Variants in PRSS55 observed in about 807,000 individuals in gnomAD.
The protein encoded by PRSS55 is serine protease 55.
PRSS55 carries 41 observed loss-of-function variants against 23.6 expected under a neutral mutation model. That is an observed-to-expected ratio of 1.74 (90% CI 1.35 to 2.26). The LOEUF (loss-of-function observed/expected upper bound fraction) is 2.26, where lower values mean the gene tolerates loss of function less well. Among genes scored for constraint, PRSS55 ranks in the 30% most tolerant of loss-of-function variants. The probability of loss-of-function intolerance (pLI) is 0.00; values close to 1 mark genes in which losing one functional copy is unlikely to be tolerated. For missense variants in PRSS55, 669 were observed against 439.1 expected (o/e 1.52, Z -4.68); for synonymous variants, 262 against 175.5 (o/e 1.49, Z -3.90).
rs1478751268 is a variant in PRSS55, at chr8:10,546,075, G to T, written c.742-7868G>T. On this transcript the variant is annotated intron_variant, in intron 4 of 4. Coordinates refer to the PRSS55 transcript ENST00000522210. ...CCCATCTGAGGTCCAAGGAGCAAAG[G>T]CAGGGCTCGGTGTCACTTATGCCCA... is the stretch of plus-strand genomic sequence containing the variant. Among the ~76,000 whole-genome samples the T allele has an allele frequency of 4.6e-5, 7 of 152,148 alleles. 1 individual carries two copies. Among genetic ancestry groups the T allele is most frequent in the Non-Finnish European group, 1.0e-4 (7 of 68,016 alleles).
intron 4 of PRSS55, among the ~76,000 whole-genome samples, chr8:10,551,070 G>A (rs1434827648): frequency 6.6e-6 from 1 of 152,208 alleles, no homozygotes; most frequent in Non-Finnish European, 1.5e-5. Context: ...ATACTCAGAA[G>A]GTCCTGCAAG....
At chr8:10,539,898 T>C (rs144692302), downstream of PRSS55, among the ~76,000 whole-genome samples, 2,014 of 152,352 alleles carry the variant, frequency 0.013, 16 homozygotes, top group Middle Eastern at 0.037. Context: ...CTTTTTTCCA[T>C]TCCCTACCTT....
At chr8:10,539,487 G>A (rs533754090), downstream of PRSS55, among the ~76,000 whole-genome samples, 140 of 152,254 alleles carry the variant, frequency 9.2e-4, 2 homozygotes, top group African/African-American at 2.4e-3. Flanking sequence ...CCCTTCTATG[G>A]AGCATGTTTC....
chr8:10,538,583 G>A lies in PRSS55; in HGVS notation c.849G>A (p.Gly283=), dbSNP rs141017851. Reference sequence around the variant, plus strand: ...GCTGTGGAGAGAAGAACACCCCAGGGATATACACCTCGTTGGTGAACTACA... The same window carrying A: ...GCTGTGGAGAGAAGAACACCCCAGGAATATACACCTCGTTGGTGAACTACA... ...GKSCGEKNTP[G]IYTSLVNYNL... The change falls in exon 5 of 5, where the codon GGG becomes GGA. Residue 283 remains glycine (G), a synonymous_variant. Transcript: ENST00000328655. The A allele has an allele frequency of 1.2e-6, 2 of 1,614,006 alleles. No homozygotes were observed. The highest frequency in any genetic ancestry group is 2.7e-5 in the African/African-American group (2 of 74,910).
At chr8:10,546,162 C>T (rs4563856) in intron 4 of PRSS55, among the ~76,000 whole-genome samples, 44,402 of 152,024 alleles carry the variant, frequency 0.29, 7,032 homozygotes, top group South Asian at 0.41. Context: ...TGGCTCAAAA[C>T]TTAGCCCCAA....
At chr8:10,531,219 T>C in intron 2 of PRSS55, 76 bp from the exon 3 acceptor site, 2 of 1,571,444 alleles carry the variant, frequency 1.3e-6, no homozygotes, top group South Asian at 2.4e-5. Context: ...TTTAGGTTTC[T>C]GGGCACAGCC....
chr8:10,525,730 C>T lies in PRSS55; in HGVS notation c.145C>T (p.Pro49Ser), dbSNP rs1220926513. 1.2e-6 allele frequency: 2 copies of T among 1,606,676 alleles called. No individual in the cohort carries two copies. Among genetic ancestry groups the T allele is most frequent in the South Asian group, 1.1e-5 (1 of 89,956 alleles). Residue 49 changes from proline to serine, a missense_variant, in exon 1 of 5, where the codon CCA becomes TCA. By Grantham distance (74) the Pro-to-Ser change is moderately conservative. Coordinates refer to ENST00000328655, the MANE Select transcript of PRSS55 (RefSeq NM_198464.4). ...CCCTCAGCCCCCTCATCCCCCCAGC[C>T]CAGTCAGTGGTGAGTACAGGGGCAG... ...HRPQPPHPPS[P>S]VSECGDRSIF... is the part of the protein sequence containing the mutation.
At chr8:10,545,174 T>G (rs969723234) in intron 4 of PRSS55, 7 of 188,208 alleles carry the variant, frequency 3.7e-5, no homozygotes, top group Non-Finnish European at 6.8e-5. Flanking sequence ...AAATCGAAAA[T>G]GAACAAATAA....
intron 4 of PRSS55, chr8:10,547,327 C>T (rs942630831): frequency 6.6e-6 from 1 of 152,480 alleles, no homozygotes; most frequent in African/African-American, 2.4e-5. Context: ...CCCTCCCTCC[C>T]CGAGAGCCCA....
At chr8:10,534,777 T>A (rs1041985864) in intron 4 of PRSS55, among the ~76,000 whole-genome samples, 6 of 152,146 alleles carry the variant, frequency 3.9e-5, no homozygotes, top group Non-Finnish European at 8.8e-5. Context: ...TGTCAAACTA[T>A]CCCTCTTTGC....
Position 10,538,476 on chromosome 8 carries a change from G to A in PRSS55, c.742G>A (p.Gly248Ser). ...GCTGAGCTGTGTTCTCTGCCCACAG[G>A]GTGACAGTGGGGGGCCTCTGGTCTG... ...YKNESYDACK[G>S]DSGGPLVCTP... The change falls in exon 5 of 5, where the codon GGT becomes AGT. Residue 248 changes from glycine (G) to serine (S), a missense_variant and splice_region_variant. Transcript: ENST00000328655. The A allele has an allele frequency of 6.2e-7, 1 of 1,610,058 alleles. No homozygotes were observed. The highest frequency in any genetic ancestry group is 1.1e-5 in the South Asian group (1 of 90,740).
chr8:10,533,490 TAAAC>T (rs1812345237), intron 4 of PRSS55, among the ~76,000 whole-genome samples: 1 of 152,182 alleles, frequency 6.6e-6, no homozygotes, highest in South Asian at 2.1e-4. Context: ...AGGCAGTGGA[TAAAC>T]AAACAATGAT....
chr8:10,527,688 G>C (rs922823636), intron 1 of PRSS55, among the ~76,000 whole-genome samples: 10 of 152,208 alleles, frequency 6.6e-5, no homozygotes, highest in African/African-American at 2.4e-4. Context: ...CCGGCCTGGG[G>C]CTCATATCAT....
intron 3 of PRSS55, among the ~76,000 whole-genome samples, chr8:10,532,223 G>C (rs550282507): frequency 8.5e-5 from 13 of 152,288 alleles, no homozygotes; most frequent in African/African-American, 1.7e-4. Flanking sequence ...GCAACCAGAG[G>C]GGGAAGCGGT....
At position 10,531,457 on chromosome 8, in the gene PRSS55, C is replaced by T. The variant is rs1812260439; in HGVS notation, c.510C>T (p.Asp170=). 4 of 1,614,172 alleles carry T rather than the reference C, an allele frequency of 2.5e-6. No individual in the cohort carries two copies. The highest frequency in any genetic ancestry group is 2.2e-5 in the East Asian group (1 of 44,888). ...TGGCTTCGCCCATCAAGCTCGATGA[C>T]CTGAAGGTGCCCATCTGCCTCCCCA... ...LLLASPIKLD[D]LKVPICLPTQ... is the part of the protein sequence containing the mutation. Residue 170 remains aspartate, a synonymous_variant, in exon 3 of 5, where the codon GAC becomes GAT. Transcript: ENST00000328655.
At chr8:10,530,128 C>T (rs1170578334) in intron 2 of PRSS55, among the ~76,000 whole-genome samples, 1 of 152,218 alleles carries the variant, frequency 6.6e-6, no homozygotes, top group Admixed American at 6.5e-5. Flanking sequence ...TGGATGGATG[C>T]CTGGCATTAC....
downstream of PRSS55, among the ~76,000 whole-genome samples, chr8:10,543,610 G>A (rs375175350): frequency 6.0e-5 from 9 of 149,310 alleles, no homozygotes; most frequent in Non-Finnish European, 1.2e-4. Context: ...AGTATTCTCT[G>A]TTCTAATTTT....
intron 4 of PRSS55, among the ~76,000 whole-genome samples, chr8:10,536,118 G>A (rs1276202988): frequency 1.3e-5 from 2 of 152,124 alleles, no homozygotes; most frequent in African/African-American, 2.4e-5. Flanking sequence ...CCCAGGAGGC[G>A]GAGCTTGCAG....
At chr8:10,530,354 A>G (rs1279037981) in intron 2 of PRSS55, among the ~76,000 whole-genome samples, 1 of 152,220 alleles carries the variant, frequency 6.6e-6, no homozygotes, top group African/African-American at 2.4e-5. Flanking sequence ...GTGCGCCTGT[A>G]GTCCCAGCTG....
Sources: gnomAD v4.1 joint callset for allele counts (sites outside exome capture counted in the v4.1 genomes callset) on GRCh38, gnomAD v4.1.1 for gene constraint, MANE v1.5 for transcripts, NCBI Gene and HGNC (gene_info 2026-07-23, HGNC 2026-07-21) for gene names.